The following AIG1 variants were observed in gnomAD, a reference collection of about 807,000 sequenced individuals.
AIG1 encodes androgen-induced gene 1 protein.
Under a neutral mutation model 31.4 loss-of-function variants are expected in AIG1, and 23 were observed. That is an observed-to-expected ratio of 0.73 (90% confidence interval 0.53 to 1.04). AIG1 has a LOEUF of 1.04. Among genes scored for constraint, AIG1 ranks in the 50% least tolerant of loss-of-function variants. The probability of loss-of-function intolerance (pLI) is 0.00; values close to 1 mark genes in which losing one functional copy is unlikely to be tolerated. For missense variants in AIG1, 274 were observed against 295.0 expected, an observed-to-expected ratio of 0.93 and a Z score of 0.52; for synonymous variants, 100 against 110.5, an observed-to-expected ratio of 0.90 and a Z score of 0.60.
chr6:143,232,189 A>G (rs1793489399), intron 3 of AIG1, among the ~76,000 whole-genome samples: 1 of 152,204 alleles, frequency 6.6e-6, no homozygotes, highest in African/African-American at 2.4e-5. Context: ...TCTGTGTTTA[A>G]TGGAATTTTC....
At chr6:143,184,436 C>T (rs1253133108) in intron 3 of AIG1, among the ~76,000 whole-genome samples, 1 of 152,210 alleles carries the variant, frequency 6.6e-6, no homozygotes, top group African/African-American at 2.4e-5. Context: ...ATACAAGGAC[C>T]TTGAGATAAA....
chr6:143,251,082 T>C (rs1397291445), intron 3 of AIG1, among the ~76,000 whole-genome samples: 1 of 152,222 alleles, frequency 6.6e-6, no homozygotes, highest in Non-Finnish European at 1.5e-5. Context: ...AGATGGAGTC[T>C]TGCTCTGTCA....
chr6:143,335,435 G>A (rs1164471776), intron 5 of AIG1: 1 of 163,616 alleles, frequency 6.1e-6, no homozygotes, highest in Non-Finnish European at 1.3e-5. Flanking sequence ...GGGAGGCTGA[G>A]GCAGGAGAAC....
At chr6:143,287,777 A>G (rs368128036) in intron 4 of AIG1, among the ~76,000 whole-genome samples, 11 of 142,558 alleles carry the variant, frequency 7.7e-5, no homozygotes, top group African/African-American at 2.6e-4. Flanking sequence ...TATATTTGCT[A>G]TTTATCAGTC....
At chr6:143,185,194 C>CA (rs10690751) in intron 3 of AIG1, among the ~76,000 whole-genome samples, 87,551 of 134,764 alleles carry the variant, frequency 0.65, 28,219 homozygotes, top group East Asian at 0.97. Context: ...GACTCCATCT[C>CA]AAAAAAAAAA....
intron 1 of AIG1, among the ~76,000 whole-genome samples, chr6:143,069,767 A>G (rs1348505353): frequency 2.6e-5 from 4 of 152,308 alleles, no homozygotes; most frequent in East Asian, 1.9e-4. Context: ...TATTTTATCA[A>G]TAGTGTCTTA....
intron 4 of AIG1, among the ~76,000 whole-genome samples, chr6:143,294,515 A>G (rs907888646): frequency 6.6e-6 from 1 of 152,200 alleles, no homozygotes; most frequent in Non-Finnish European, 1.5e-5. Context: ...AGAATGGGAT[A>G]ATAATAATAA....
intron 1 of AIG1, among the ~76,000 whole-genome samples, chr6:143,097,848 C>G (rs1411832090): frequency 6.6e-6 from 1 of 152,188 alleles, no homozygotes; most frequent in Non-Finnish European, 1.5e-5. Flanking sequence ...CCACTTGAAA[C>G]TCTACTATAC....
chr6:143,251,386 C>A (rs1562526533), intron 3 of AIG1, among the ~76,000 whole-genome samples: 1 of 152,150 alleles, frequency 6.6e-6, no homozygotes, highest in Non-Finnish European at 1.5e-5. Context: ...CTGTAGTTAT[C>A]TTTAGAACAG....
Position 143,262,364 on chromosome 6 carries a change from T to C in AIG1, c.400-21746T>C, listed in dbSNP as rs117145587. Among the ~76,000 whole-genome samples the C allele has an allele frequency of 4.1e-3, 622 of 152,316 alleles. 3 individuals are homozygous for C. The highest frequency in any genetic ancestry group is 7.1e-3 in the Non-Finnish European group (485 of 68,016). On this transcript the variant is annotated intron_variant, in intron 3 of 5. Coordinates refer to ENST00000357847, the MANE Select transcript of AIG1 (RefSeq NM_016108.4). ...CGCAAGTAAGTAGTAGGAAGAATTA[T>C]TTGCTGTGGGAGAAACTCTAACATA...
chr6:143,343,342 T>C (rs1223129937), downstream of AIG1: 2 of 594,720 alleles, frequency 3.4e-6, no homozygotes, highest in African/African-American at 3.7e-5. Flanking sequence ...TGGCATGAAA[T>C]GAGGACTAAT....
intron 1 of AIG1, among the ~76,000 whole-genome samples, chr6:143,083,517 G>A (rs966956194): frequency 5.9e-5 from 9 of 152,318 alleles, no homozygotes; most frequent in African/African-American, 2.2e-4. Flanking sequence ...ATTTGGGAAA[G>A]TGGAGTATAA....
chr6:143,269,467 A>G (rs1321857945), intron 3 of AIG1, among the ~76,000 whole-genome samples: 2 of 152,208 alleles, frequency 1.3e-5, no homozygotes, highest in Admixed American at 6.5e-5. Context: ...TTCTCTCCTC[A>G]GTATATATGC....
chr6:143,197,860 T>G (rs1193129649), intron 3 of AIG1, among the ~76,000 whole-genome samples: 1 of 152,220 alleles, frequency 6.6e-6, no homozygotes, highest in Admixed American at 6.5e-5. Flanking sequence ...TGTCAAGCAT[T>G]TCTTCTAAGT....
intron 1 of AIG1, among the ~76,000 whole-genome samples, chr6:143,131,015 A>T (rs1280275788): frequency 6.6e-6 from 1 of 152,134 alleles, no homozygotes; most frequent in African/African-American, 2.4e-5. Context: ...CAGCCTTCTT[A>T]TGGTTAGCAT....
chr6:143,098,345 G>A (rs1779973625), intron 1 of AIG1, among the ~76,000 whole-genome samples: 1 of 152,110 alleles, frequency 6.6e-6, no homozygotes, highest in South Asian at 2.1e-4. Context: ...TTTCTTGAAG[G>A]ATTTTCTTAA....
intron 3 of AIG1, among the ~76,000 whole-genome samples, chr6:143,281,431 G>A (rs1797335742): frequency 1.3e-5 from 2 of 152,156 alleles, no homozygotes; most frequent in South Asian, 4.1e-4. Flanking sequence ...TTTAACTGGA[G>A]TTAAATATTT....
chr6:143,266,788 A>G (rs147325960), intron 3 of AIG1, among the ~76,000 whole-genome samples: 2 of 152,304 alleles, frequency 1.3e-5, no homozygotes, highest in East Asian at 3.9e-4. Flanking sequence ...TACAAAAAAT[A>G]AATTAGCTGG....
chr6:143,152,751 G>C (rs995680082), intron 2 of AIG1, among the ~76,000 whole-genome samples: 3 of 152,056 alleles, frequency 2.0e-5, no homozygotes, highest in East Asian at 1.9e-4. Flanking sequence ...CTCCCTCCAG[G>C]CCTTATTTTC....
Sources: allele counts gnomAD v4.1 joint callset (sites outside exome capture counted in the v4.1 genomes callset), GRCh38; gene constraint gnomAD v4.1.1; transcripts MANE v1.5; gene names NCBI Gene and HGNC (gene_info 2026-07-23, HGNC 2026-07-21).